ZC3H7A: variants seen among roughly 807,000 people sequenced by gnomAD.
ZC3H7A encodes zinc finger CCCH domain-containing protein 7A.
A neutral mutation model predicts 125.5 loss-of-function variants in ZC3H7A; 44 were observed. The ratio of observed to expected loss-of-function variants is 0.35; its 90% CI spans 0.28 to 0.45. ZC3H7A has a LOEUF of 0.45. Among genes scored for constraint, ZC3H7A ranks in the 20% least tolerant of loss-of-function variants. The pLI, the probability that ZC3H7A is intolerant of heterozygous loss-of-function variation, is 1.00. For missense variants in ZC3H7A, 977 were observed against 1,170.7 expected, an observed-to-expected ratio of 0.83 and a Z score of 2.41; for synonymous variants, 399 against 391.2, an observed-to-expected ratio of 1.02 and a Z score of -0.23.
chr16:11,758,219 C>A (rs1258414752), intron 20 of ZC3H7A, among the ~76,000 whole-genome samples: 2 of 152,172 alleles, frequency 1.3e-5, no homozygotes, highest in Admixed American at 1.3e-4. Flanking sequence ...CAAATCTGAC[C>A]TAACCAAACA....
chr16:11,770,965 G>T lies in ZC3H7A; in HGVS notation c.926C>A (p.Pro309His), dbSNP rs769369716. 6.2e-7 allele frequency: 1 copy of T among 1,610,870 alleles called. No individual in the cohort carries two copies. Among genetic ancestry groups the T allele is most frequent in the Non-Finnish European group, 8.5e-7 (1 of 1,178,852 alleles). ...TVMPSALVRG[P>H]LQTASVSPSM... Reference sequence around the variant, plus strand: ...AGGAGAGACACTGGCTGTCTGAAGGGGTCCTCTGACTAAAGCTGACGGCTG... The same window carrying T: ...AGGAGAGACACTGGCTGTCTGAAGGTGTCCTCTGACTAAAGCTGACGGCTG... Residue 309 changes from proline (P) to histidine (H), a missense_variant, in exon 10 of 23, where the codon CCC becomes CAC. Transcript: ENST00000355758.
At chr16:11,779,782 G>A (rs997733438) in intron 3 of ZC3H7A, among the ~76,000 whole-genome samples, 1 of 151,392 alleles carries the variant, frequency 6.6e-6, no homozygotes, top group Non-Finnish European at 1.5e-5. Flanking sequence ...ACACTAGGTA[G>A]TGTGTGTGTG....
intron 1 of ZC3H7A, among the ~76,000 whole-genome samples, chr16:11,785,456 C>T (rs562225979): frequency 4.5e-4 from 67 of 150,476 alleles, no homozygotes; most frequent in African/African-American, 1.5e-3. Context: ...TAGTGAGCTA[C>T]GATTGTGCCA....
At chr16:11,751,531 G>A in intron 22 of ZC3H7A, 25 bp from the exon 23 acceptor site, 2 of 1,599,196 alleles carry the variant, frequency 1.3e-6, no homozygotes, top group Non-Finnish European at 8.5e-7. Context: ...CAGCTGCTCA[G>A]TGTCCATATA....
At chr16:11,770,296 T>C (rs2052957281) in intron 10 of ZC3H7A, among the ~76,000 whole-genome samples, 1 of 152,146 alleles carries the variant, frequency 6.6e-6, no homozygotes, top group South Asian at 2.1e-4. Flanking sequence ...GGAGTCAGAC[T>C]CCAAACTCAG....
At chr16:11,794,809 G>C (rs1290614988) in intron 1 of ZC3H7A, among the ~76,000 whole-genome samples, 1 of 152,160 alleles carries the variant, frequency 6.6e-6, no homozygotes, top group Non-Finnish European at 1.5e-5. Context: ...TTTAAAATCA[G>C]TCAAAACTAA....
At chr16:11,780,568 A>G (rs2053159227) in intron 3 of ZC3H7A, among the ~76,000 whole-genome samples, 1 of 152,204 alleles carries the variant, frequency 6.6e-6, no homozygotes, top group African/African-American at 2.4e-5. Flanking sequence ...ATCAACTATT[A>G]ACAAAACTCG....
At chr16:11,791,537 A>C (rs1379132485) in intron 1 of ZC3H7A, among the ~76,000 whole-genome samples, 1 of 152,218 alleles carries the variant, frequency 6.6e-6, no homozygotes, top group East Asian at 1.9e-4. Flanking sequence ...TGTAAGAACA[A>C]GATCTGGGTC....
At chr16:11,795,177 T>C (rs1256115016) in intron 1 of ZC3H7A, among the ~76,000 whole-genome samples, 1 of 152,198 alleles carries the variant, frequency 6.6e-6, no homozygotes, top group African/African-American at 2.4e-5. Context: ...CTTGAATTAT[T>C]CTGCAAATTA....
intron 1 of ZC3H7A, among the ~76,000 whole-genome samples, chr16:11,783,615 C>A (rs2053208264): frequency 6.6e-6 from 1 of 152,134 alleles, no homozygotes; most frequent in Non-Finnish European, 1.5e-5. Context: ...GCACAATCAG[C>A]CCCAGTTGAG....
chr16:11,768,274 C>T, intron 12 of ZC3H7A, 41 bp downstream of exon 12: 1 of 1,388,664 alleles, frequency 7.2e-7, no homozygotes, highest in Non-Finnish European at 9.5e-7. Context: ...AGGTTATGAG[C>T]AAGTAGTTTA....
Position 11,765,875 on chromosome 16 carries a change from A to G in ZC3H7A, c.1523-190T>C, listed in dbSNP as rs79466463. Among the ~76,000 whole-genome samples the G allele has an allele frequency of 0.015, 2,222 of 152,264 alleles. 83 individuals are homozygous for G. Among genetic ancestry groups the G allele is most frequent in the Admixed American group, 0.088 (1,342 of 15,294 alleles). ...CAGTGTCAAAATAAACAAACAAACA[A>G]AAAAAGATGGTAATTGTTTCCTTAA... On this transcript the variant is annotated intron_variant, in intron 13 of 22. Coordinates refer to ENST00000355758, the MANE Select transcript of ZC3H7A (RefSeq NM_014153.4). This position sits in a 1 kb window ranked among gnomAD's most constrained non-coding sequence, Gnocchi z 4.8.
chr16:11,758,363 A>AT lies in ZC3H7A; in HGVS notation c.2428+67dup, dbSNP rs1389147393. On this transcript the variant is annotated intron_variant, in intron 20 of 22. Transcript: ENST00000355758. ...CTTTCTGTGTTCACAGGAAGCTGGCATATTTATAGAGAGGAAAAGAACTTT... is the reference window on the plus strand; with the variant it reads ...CTTTCTGTGTTCACAGGAAGCTGGCATTATTTATAGAGAGGAAAAGAACTTT... 7.7e-6 allele frequency: 9 copies of AT among 1,164,534 alleles called. No individual in the cohort carries two copies. In the African/African-American group the frequency reaches 1.1e-4, roughly 14 times the overall value. The allele number at this position is 1,164,534 out of a possible 1,614,324, so 72.1% of individuals were successfully genotyped here.
intron 3 of ZC3H7A, 75 bp downstream of exon 3, chr16:11,781,350 T>G (rs2053170459): frequency 6.8e-7 from 1 of 1,467,340 alleles, no homozygotes; most frequent in Non-Finnish European, 9.4e-7. Context: ...GGCCATCATT[T>G]GCCAACCCCT....
chr16:11,771,121 T>G (rs951354530), intron 9 of ZC3H7A, 134 bp from the exon 10 acceptor site: 1 of 880,218 alleles, frequency 1.1e-6, no homozygotes, highest in Non-Finnish European at 1.7e-6. Flanking sequence ...AGGCCAGGCA[T>G]GGTGGCCTGT....
intron 21 of ZC3H7A, 183 bp from the exon 22 acceptor site, chr16:11,753,015 G>T: frequency 1.7e-6 from 1 of 596,892 alleles, no homozygotes; most frequent in Non-Finnish European, 2.8e-6. Flanking sequence ...GAAGAAGGGT[G>T]ACAAATGCTG....
intron 17 of ZC3H7A, 104 bp from the exon 18 acceptor site, chr16:11,762,147 TTCCCATTTTTA>T: frequency 8.4e-7 from 1 of 1,191,240 alleles, no homozygotes; most frequent in Non-Finnish European, 1.1e-6. Context: ...AGTATACAAT[TTCCCATTTTTA>T]TCTGACTTGA....
chr16:11,759,108 A>G (rs1237882306), intron 19 of ZC3H7A: 4 of 152,306 alleles, frequency 2.6e-5, no homozygotes, highest in African/African-American at 7.2e-5. Context: ...ATACCTCTTC[A>G]GGTTATTTGT....
At chr16:11,762,525 G>GT in intron 17 of ZC3H7A, 146 bp downstream of exon 17, 1 of 748,162 alleles carries the variant, frequency 1.3e-6, no homozygotes, top group Non-Finnish European at 2.1e-6. Context: ...AATGCAAATT[G>GT]TTTTTTCACA....
Sources: allele counts gnomAD v4.1 joint callset (sites outside exome capture counted in the v4.1 genomes callset), GRCh38; gene constraint gnomAD v4.1.1; non-coding constraint Gnocchi (gnomAD v3.1); transcripts MANE v1.5; gene names NCBI Gene and HGNC (gene_info 2026-07-23, HGNC 2026-07-21).